Variants in PEX11A observed in about 807,000 individuals in gnomAD.
PEX11A encodes peroxisomal membrane protein 11A.
In PEX11A, 13 loss-of-function variants were observed where a neutral mutation model predicts 14.4. The ratio of observed to expected loss-of-function variants is 0.90; its 90% CI spans 0.59 to 1.43. PEX11A has a LOEUF of 1.43. Among genes scored for constraint, PEX11A ranks in the 40% most tolerant of loss-of-function variants. The pLI, the probability that PEX11A is intolerant of heterozygous loss-of-function variation, is 0.00. For missense variants in PEX11A, 290 were observed against 302.8 expected (o/e 0.96, Z 0.31); for synonymous variants, 101 against 113.0 (o/e 0.89, Z 0.67).
At chr15:89,690,055 C>A (rs1452509222) in intron 1 of PEX11A, among the ~76,000 whole-genome samples, 1 of 152,140 alleles carries the variant, frequency 6.6e-6, no homozygotes, top group Non-Finnish European at 1.5e-5. Flanking sequence ...TCGCTTGAAC[C>A]CGGGAGGCAG....
intron 1 of PEX11A, among the ~76,000 whole-genome samples, chr15:89,688,916 A>G (rs1054847007): frequency 1.5e-4 from 23 of 151,002 alleles, no homozygotes; most frequent in African/African-American, 5.1e-4. Context: ...GGGTTTCACC[A>G]TGTTAGCCAG....
chr15:89,682,070 A>C lies in PEX11A; in HGVS notation c.*1307T>G, dbSNP rs1303404229. The C allele has an allele frequency of 2.6e-5, 4 of 152,484 alleles. No homozygotes were observed. Among genetic ancestry groups the C allele is most frequent in the Non-Finnish European group, 5.9e-5 (4 of 68,214 alleles). The allele number at this position is 152,484 out of a possible 1,614,324, so 9.4% of individuals were successfully genotyped here. A position where few individuals can be genotyped will look rare whatever the true frequency, so the allele number is the denominator to read the frequency against. The stretch of plus-strand genomic sequence containing the variant: ...AAAATTGTGACTCTCTTACATCTGG[A>C]GTATTCATGAAATTTTTTTGACTGG... On this transcript the variant is annotated 3_prime_UTR_variant, in exon 3 of 3. Transcript: ENST00000300056.
chr15:89,686,405 T>C lies in PEX11A; in HGVS notation c.172+26A>G, dbSNP rs1356611945. ...CTGAGGATTCTAAACCAGGAGTCAC[T>C]GTCCCTCAAGAAACAGGGTACTTAC... On this transcript the variant is annotated intron_variant, in intron 2 of 2. Coordinates refer to ENST00000300056, the MANE Select transcript of PEX11A (RefSeq NM_003847.3). 1.3e-5 allele frequency: 13 copies of C among 978,376 alleles called. No individual in the cohort carries two copies. In the East Asian group the frequency reaches 3.1e-4, roughly 23 times the overall value. 60.6% of individuals were successfully genotyped at this position (978,376 alleles called of 1,614,324 possible).
At chr15:89,689,966 T>C (rs968080169) in intron 1 of PEX11A, among the ~76,000 whole-genome samples, 2 of 152,076 alleles carry the variant, frequency 1.3e-5, no homozygotes, top group Non-Finnish European at 2.9e-5. Context: ...CCCCCGTCTC[T>C]ACTAAAAATA....
intron 2 of PEX11A, among the ~76,000 whole-genome samples, chr15:89,686,082 G>A (rs1318951732): frequency 6.6e-6 from 1 of 152,150 alleles, no homozygotes; most frequent in Non-Finnish European, 1.5e-5. Context: ...TTCCACTCTT[G>A]TTTAGAATAA....
Position 89,683,264 on chromosome 15 carries a change from C to T in PEX11A, c.*113G>A, listed in dbSNP as rs1000417638. 4 of 757,404 alleles carry T rather than the reference C, an allele frequency of 5.3e-6. No individual in the cohort carries two copies. Among genetic ancestry groups the T allele is most frequent in the Non-Finnish European group, 8.9e-6 (4 of 447,912 alleles). The allele number at this position is 757,404 out of a possible 1,614,324, so 46.9% of individuals were successfully genotyped here. On this transcript the variant is annotated 3_prime_UTR_variant, in exon 3 of 3. Transcript: ENST00000300056. ...CCCACATCACAGGTTGTTAAATGCT[C>T]ACATGAACAAGAACTTAAGCACAGT...
At position 89,690,750 on chromosome 15, in the gene PEX11A, C is replaced by G. The variant is rs1964826097; in HGVS notation, c.-118G>C. On this transcript the variant is annotated 5_prime_UTR_variant, in exon 1 of 3. Coordinates refer to ENST00000300056, the MANE Select transcript of PEX11A (RefSeq NM_003847.3). ...ATCCGCTGAGGGGGAGGGGCTGAGT[C>G]TCTCCGCCCCAGAGGGGGCGGGCAC... is the stretch of plus-strand genomic sequence containing the variant. The G allele has an allele frequency of 3.1e-6, 2 of 642,530 alleles. No individual in the cohort carries two copies. Among genetic ancestry groups the G allele is most frequent in the Non-Finnish European group, 5.2e-6 (2 of 383,494 alleles). 39.8% of individuals were successfully genotyped at this position (642,530 alleles called of 1,614,324 possible). A position where few individuals can be genotyped will look rare whatever the true frequency, so the allele number is the denominator to read the frequency against.
At chr15:89,686,958 C>T (rs1342957977) in intron 1 of PEX11A, among the ~76,000 whole-genome samples, 1 of 151,616 alleles carries the variant, frequency 6.6e-6, no homozygotes, top group East Asian at 1.9e-4. Flanking sequence ...GAGTCTCGCT[C>T]TTTCGCCAGG....
chr15:89,688,902 G>A (rs1020837639), intron 1 of PEX11A, among the ~76,000 whole-genome samples: 3 of 150,922 alleles, frequency 2.0e-5, no homozygotes, highest in Admixed American at 2.0e-4. Flanking sequence ...TTTTAGTAGA[G>A]ACAGGGTTTC....
In PEX11A at chr15:89,683,090, C is replaced by A; in HGVS notation, c.*287G>T. On this transcript the variant is annotated 3_prime_UTR_variant, in exon 3 of 3. Coordinates refer to ENST00000300056, the MANE Select transcript of PEX11A (RefSeq NM_003847.3). ...TTCCTTTCAATTTTTATTCATTCAG[C>A]AAATACTAAGCTCCCACTATGCACA... 1 of 367,916 alleles carries A rather than the reference C, an allele frequency of 2.7e-6. No homozygotes were observed. Among genetic ancestry groups the A allele is most frequent in the Admixed American group, 4.2e-5 (1 of 23,602 alleles). The allele number at this position is 367,916 out of a possible 1,614,324, so 22.8% of individuals were successfully genotyped here.
rs749831586 is a variant in PEX11A at position 89,683,348 on chromosome 15, T to C, written c.*29A>G. The C allele has an allele frequency of 6.2e-6, 9 of 1,446,704 alleles. No homozygotes were observed. The African/African-American group carries it at 8.5e-5, about 14-fold the overall frequency. The allele number at this position is 1,446,704 out of a possible 1,614,324, so 89.6% of individuals were successfully genotyped here. A position where few individuals can be genotyped will look rare whatever the true frequency, so the allele number is the denominator to read the frequency against. The stretch of plus-strand genomic sequence containing the variant: ...CCCACCAAGAGGCCATCTTTTAAAG[T>C]AGGTACTAGTTCCAAGCCTAAAAAC... On this transcript the variant is annotated 3_prime_UTR_variant, in exon 3 of 3. Transcript: ENST00000300056.
Position 89,681,749 on chromosome 15 carries a change from G to A in PEX11A, c.*1628C>T, listed in dbSNP as rs1359594991. ...TTTTGAGAATCTCAATCACATTTCT[G>A]GGAAATGTGACTTATTGAGTACATA... On this transcript the variant is annotated 3_prime_UTR_variant, in exon 3 of 3. Coordinates refer to ENST00000300056, the MANE Select transcript of PEX11A (RefSeq NM_003847.3). 1 of 488,122 alleles carries A rather than the reference G, an allele frequency of 2.0e-6. No individual in the cohort carries two copies. Among genetic ancestry groups the A allele is most frequent in the East Asian group, 3.2e-5 (1 of 31,444 alleles). The allele number at this position is 488,122 out of a possible 1,614,324, so 30.2% of individuals were successfully genotyped here.
chr15:89,682,337 C>A lies in PEX11A; in HGVS notation c.*1040G>T, dbSNP rs1964611940. 1 of 152,122 alleles carries A rather than the reference C, an allele frequency of 6.6e-6. No homozygotes were observed. Among genetic ancestry groups the A allele is most frequent in the African/African-American group, 2.4e-5 (1 of 41,402 alleles). The allele number at this position is 152,122 out of a possible 1,614,324, so 9.4% of individuals were successfully genotyped here. ...TACAGGCATACTCCACCATGCCTGG[C>A]TAATTTTTTAACACTTTGTTGTAGA... On this transcript the variant is annotated 3_prime_UTR_variant, in exon 3 of 3. Transcript: ENST00000300056.
chr15:89,686,375 T>G, intron 2 of PEX11A, 56 bp downstream of exon 2: 1 of 795,446 alleles, frequency 1.3e-6, no homozygotes, highest in Non-Finnish European at 2.2e-6. Flanking sequence ...TTACAGGGTC[T>G]GAGGCTGAGG....
chr15:89,683,561 G>C lies in PEX11A; in HGVS notation c.560C>G (p.Ser187Cys). 1 of 1,614,196 alleles carries C rather than the reference G, an allele frequency of 6.2e-7. No individual in the cohort carries two copies. Among genetic ancestry groups the C allele is most frequent in the East Asian group, 2.2e-5 (1 of 44,888 alleles). Residue 187 changes from serine to cysteine, a missense_variant, in exon 3 of 3, where the codon TCT becomes TGT. Physicochemically the swap from Ser to Cys is moderately radical, Grantham distance 112. Coordinates refer to ENST00000300056, the MANE Select transcript of PEX11A (RefSeq NM_003847.3). The stretch of plus-strand genomic sequence containing the variant: ...GAGCAAGGGAGGATGCTGCTTCAGA[G>C]ATCGGAATAAAAGAAGTAGAAAGGA... ...LQSFLLLLFRSLKQHPPLLLD... is the reference protein window; with the variant it reads ...LQSFLLLLFRCLKQHPPLLLD...
chr15:89,689,901 T>G (rs1383798252), intron 1 of PEX11A, among the ~76,000 whole-genome samples: 1 of 152,050 alleles, frequency 6.6e-6, no homozygotes, highest in South Asian at 2.1e-4. Context: ...GAAGCCGAGG[T>G]GGACAGATCA....
At chr15:89,685,359 C>A (rs1460822916) in intron 2 of PEX11A, among the ~76,000 whole-genome samples, 1 of 151,990 alleles carries the variant, frequency 6.6e-6, no homozygotes, top group Non-Finnish European at 1.5e-5. Flanking sequence ...CCTGGATAAG[C>A]CCCTTCTGGA....
intron 2 of PEX11A, 103 bp from the exon 3 acceptor site, chr15:89,684,051 GT>G (rs752832349): frequency 2.5e-6 from 2 of 806,042 alleles, no homozygotes; most frequent in Non-Finnish European, 4.0e-6. Flanking sequence ...GTTGTTTTTT[GT>G]TGAGACAGGG....
At chr15:89,685,019 G>A (rs920161700) in intron 2 of PEX11A, among the ~76,000 whole-genome samples, 3 of 151,574 alleles carry the variant, frequency 2.0e-5, no homozygotes, top group Admixed American at 6.6e-5. Context: ...GTGAAACCCC[G>A]TCTCTACTAA....
Sources: allele counts gnomAD v4.1 joint callset (sites outside exome capture counted in the v4.1 genomes callset), GRCh38; gene constraint gnomAD v4.1.1; transcripts MANE v1.5; gene names NCBI Gene and HGNC (gene_info 2026-07-23, HGNC 2026-07-21).